NCAM2: variants seen among roughly 807,000 people sequenced by gnomAD.
NCAM2 encodes the protein N-CAM-2.
In NCAM2, 30 loss-of-function variants were observed where a neutral mutation model predicts 98.1. The ratio of observed to expected loss-of-function variants is 0.31; its 90% CI spans 0.23 to 0.41. NCAM2 has a LOEUF of 0.41. Ranked by LOEUF, NCAM2 falls within the 10% of genes least tolerant of loss-of-function variation. The pLI, the probability that NCAM2 is intolerant of heterozygous loss-of-function variation, is 1.00. For synonymous variants in NCAM2, 368 were observed against 342.4 expected (o/e 1.07, Z -0.83); for missense variants, 867 against 1,005.8 (o/e 0.86, Z 1.87).
At chr21:21,510,242 G>A (rs576448959) in intron 16 of NCAM2, among the ~76,000 whole-genome samples, 1 of 152,192 alleles carries the variant, frequency 6.6e-6, no homozygotes, top group African/African-American at 2.4e-5. Flanking sequence ...CAGTTGAAGA[G>A]TTTTGACAAA....
At chr21:21,057,068 T>G (rs2146314830) in intron 1 of NCAM2, among the ~76,000 whole-genome samples, 1 of 152,128 alleles carries the variant, frequency 6.6e-6, no homozygotes. Flanking sequence ...CCCCAAAATA[T>G]AAAGAGGCTA....
chr21:21,387,176 GCACACACACATACA>G (rs1289136386), intron 9 of NCAM2, among the ~76,000 whole-genome samples: 14 of 125,546 alleles, frequency 1.1e-4, no homozygotes, highest in South Asian at 2.6e-4. Context: ...TACTTGGTGC[GCACACACACATACA>G]CACACACACA....
intron 6 of NCAM2, among the ~76,000 whole-genome samples, chr21:21,330,331 A>G (rs754816695): frequency 2.6e-5 from 4 of 152,008 alleles, no homozygotes; most frequent in Non-Finnish European, 5.9e-5. Context: ...TTGATATGTC[A>G]TATTTCCAAT....
intron 2 of NCAM2, among the ~76,000 whole-genome samples, chr21:21,281,864 T>C (rs912150537): frequency 6.6e-6 from 1 of 151,608 alleles, no homozygotes; most frequent in Non-Finnish European, 1.5e-5. Flanking sequence ...AATTTATAAA[T>C]ATAGAGATAT....
chr21:21,184,620 A>G (rs2068580346), intron 1 of NCAM2, among the ~76,000 whole-genome samples: 1 of 152,154 alleles, frequency 6.6e-6, no homozygotes, highest in African/African-American at 2.4e-5. Context: ...CCAGACCTCT[A>G]TAGCAAATTA....
intron 1 of NCAM2, among the ~76,000 whole-genome samples, chr21:21,118,244 C>T (rs987945274): frequency 6.6e-6 from 1 of 152,158 alleles, no homozygotes; most frequent in Admixed American, 6.5e-5. Context: ...TATAGACCAT[C>T]AGCAAGAAGC....
intron 1 of NCAM2, among the ~76,000 whole-genome samples, chr21:21,081,985 C>T (rs1429913753): frequency 1.3e-5 from 2 of 151,542 alleles, no homozygotes; most frequent in Non-Finnish European, 2.9e-5. Context: ...CGGCTGTAAT[C>T]CCAGCACCTT....
intron 9 of NCAM2, among the ~76,000 whole-genome samples, chr21:21,401,163 T>G (rs983993473): frequency 8.5e-5 from 13 of 152,190 alleles, no homozygotes; most frequent in African/African-American, 1.2e-4. Context: ...TATTTTGTTT[T>G]CATCCACTAT....
intron 9 of NCAM2, among the ~76,000 whole-genome samples, chr21:21,410,030 G>A (rs1314969887): frequency 6.6e-6 from 1 of 152,108 alleles, no homozygotes; most frequent in Non-Finnish European, 1.5e-5. Context: ...CTACTCAGAA[G>A]GCTGAAGCAG....
At chr21:21,298,104 TCCTA>T (rs2073558812) in intron 5 of NCAM2, among the ~76,000 whole-genome samples, 1 of 151,768 alleles carries the variant, frequency 6.6e-6, no homozygotes, top group African/African-American at 2.4e-5. Flanking sequence ...ATTTTTGTAT[TCCTA>T]CCTATTTCTT....
chr21:21,286,144 G>A lies in NCAM2; in HGVS notation c.338-125G>A. Reference sequence around the variant, plus strand: ...AGATTATCTAGTTTAAGATTTTAAAGTATCTAGGTTTCCCTAATTATTTTA... The same window carrying A: ...AGATTATCTAGTTTAAGATTTTAAAATATCTAGGTTTCCCTAATTATTTTA... On this transcript the variant is annotated intron_variant, in intron 3 of 17. Transcript: ENST00000400546. 6.8e-6 allele frequency: 7 copies of A among 1,028,406 alleles called. No individual in the cohort carries two copies. In the East Asian group the frequency reaches 1.6e-4, roughly 23 times the overall value. 63.7% of individuals were successfully genotyped at this position (1,028,406 alleles called of 1,614,324 possible).
At position 21,163,309 on chromosome 21, in the gene NCAM2, T is replaced by G. The variant is rs970314638; in HGVS notation, c.56-117269T>G. ...AGGTTGAGGTACTTCAAAGGCAGTT[T>G]ACTGAAAGAAGGGAGGCTCTAGAGG... On this transcript the variant is annotated intron_variant, in intron 1 of 17. Transcript: ENST00000400546. Among the ~76,000 whole-genome samples, 34 of 152,122 alleles carry G rather than the reference T, an allele frequency of 2.2e-4. 1 individual carries two copies. The highest frequency in any genetic ancestry group is 1.5e-5 in the Non-Finnish European group (1 of 68,012).
intron 8 of NCAM2, among the ~76,000 whole-genome samples, chr21:21,352,583 C>A (rs576885096): frequency 1.3e-4 from 19 of 151,784 alleles, no homozygotes; most frequent in African/African-American, 3.9e-4. Context: ...TGTCATTGAC[C>A]ATGTTAGTTC....
intron 5 of NCAM2, among the ~76,000 whole-genome samples, chr21:21,316,141 T>A (rs2074213480): frequency 6.6e-6 from 1 of 152,232 alleles, no homozygotes; most frequent in Non-Finnish European, 1.5e-5. Context: ...GCCATACTTT[T>A]CTTAGTTAAT....
intron 1 of NCAM2, among the ~76,000 whole-genome samples, chr21:21,204,896 T>A (rs2069376107): frequency 6.6e-6 from 1 of 152,118 alleles, no homozygotes; most frequent in African/African-American, 2.4e-5. Flanking sequence ...GTATCCTTTT[T>A]AAGTAGATAT....
chr21:21,446,139 T>C (rs1980101235), intron 12 of NCAM2, among the ~76,000 whole-genome samples: 1 of 152,166 alleles, frequency 6.6e-6, no homozygotes, highest in Non-Finnish European at 1.5e-5. Context: ...TGCTTTTCTT[T>C]AAGAATGATG....
intron 1 of NCAM2, among the ~76,000 whole-genome samples, chr21:21,222,897 C>A (rs2070228205): frequency 6.6e-6 from 1 of 152,104 alleles, no homozygotes; most frequent in African/African-American, 2.4e-5. Context: ...AACAAAGAGG[C>A]AATGGGTGCA....
chr21:21,130,216 T>A (rs892386375), intron 1 of NCAM2, among the ~76,000 whole-genome samples: 12 of 152,216 alleles, frequency 7.9e-5, no homozygotes, highest in African/African-American at 2.9e-4. Context: ...CACTGTGGAA[T>A]AGTGTTAACA....
Position 21,414,467 on chromosome 21 carries a change from T to TTG in NCAM2, c.1384-4000_1384-3999dup, listed in dbSNP as rs1474287332. ...TTAAATATTGTATTTCTGTTTTTTG[T>TTG]TGTGTGTTTTTTTTTTTTTTTGAGA... On this transcript the variant is annotated intron_variant, in intron 10 of 17. Coordinates refer to ENST00000400546, the MANE Select transcript of NCAM2 (RefSeq NM_004540.5). Among the ~76,000 whole-genome samples the TTG allele has an allele frequency of 1.9e-3, 233 of 123,086 alleles. 1 individual carries two copies. The South Asian group carries it at 0.024, about 13-fold the overall frequency. The allele number at this position is 123,086 out of a possible 152,430, so 80.7% of individuals were successfully genotyped here. A position where few individuals can be genotyped will look rare whatever the true frequency, so the allele number is the denominator to read the frequency against.
Sources: allele counts gnomAD v4.1 joint callset (sites outside exome capture counted in the v4.1 genomes callset), GRCh38; gene constraint gnomAD v4.1.1; transcripts MANE v1.5; gene names NCBI Gene and HGNC (gene_info 2026-07-23, HGNC 2026-07-21).